The following CSPP1 variants were observed in gnomAD, a reference collection of about 807,000 sequenced individuals.
CSPP1 encodes centrosome and spindle pole-associated protein 1.
CSPP1 carries 126 observed loss-of-function variants against 164.4 expected under a neutral mutation model. The observed-to-expected ratio is 0.77, with a 90% CI of 0.66 to 0.89. The LOEUF is 0.89. CSPP1 is among the 40% of genes least tolerant of loss of function. The pLI, the probability that CSPP1 is intolerant of heterozygous loss-of-function variation, is 0.00. For missense variants in CSPP1, 1,395 were observed against 1,449.8 expected, an observed-to-expected ratio of 0.96 and a Z score of 0.61; for synonymous variants, 472 against 476.7, an observed-to-expected ratio of 0.99 and a Z score of 0.13.
At chr8:67,159,181 C>T in intron 21 of CSPP1, 44 bp downstream of exon 21, 1 of 1,534,468 alleles carries the variant, frequency 6.5e-7, no homozygotes, top group Non-Finnish European at 8.8e-7. Context: ...TAGTTTAACT[C>T]ACTTTCACTG....
In CSPP1 at chr8:67,095,252, C is replaced by T. The variant is rs1273595948; in HGVS notation, c.484-41C>T. 3.8e-6 allele frequency: 5 copies of T among 1,321,282 alleles called. No homozygotes were observed. The African/African-American group carries it at 7.4e-5, about 19-fold the overall frequency. 81.8% of individuals were successfully genotyped at this position (1,321,282 alleles called of 1,614,324 possible). A position where few individuals can be genotyped will look rare whatever the true frequency, so the allele number is the denominator to read the frequency against. On this transcript the variant is annotated intron_variant, in intron 6 of 30. Transcript: ENST00000678616. ...TTAATTACCTTATAAGAGATAGTTTCTTGTCAAGTTTTGTTTCTTTTTTCT... is the reference window on the plus strand; with the variant it reads ...TTAATTACCTTATAAGAGATAGTTTTTTGTCAAGTTTTGTTTCTTTTTTCT...
chr8:67,179,735 G>T, intron 27 of CSPP1, 128 bp from the exon 28 acceptor site: 1 of 650,144 alleles, frequency 1.5e-6, no homozygotes, highest in South Asian at 1.9e-5. Flanking sequence ...AATGTAGTCA[G>T]TCCTACCTCT....
At chr8:67,190,827 TA>T in intron 29 of CSPP1, 68 bp downstream of exon 29, 8 of 1,125,858 alleles carry the variant, frequency 7.1e-6, no homozygotes, top group Non-Finnish European at 1.1e-5. Context: ...TGACCTGTGC[TA>T]AATCTGTGTG....
At chr8:67,084,730 C>T (rs1200008022) in intron 3 of CSPP1, among the ~76,000 whole-genome samples, 1 of 150,678 alleles carries the variant, frequency 6.6e-6, no homozygotes, top group African/African-American at 2.4e-5. Flanking sequence ...CAGAGCGAGA[C>T]CCTGTCTAAA....
chr8:67,195,599 A>AGTG lies in CSPP1; in HGVS notation c.*6_*7insGTG. ...TGTCGACTGCACATGGTTAAAATAA[A>AGTG]CCTGTACTGGACCCAGTAGTGCCTT... On this transcript the variant is annotated 3_prime_UTR_variant, in exon 31 of 31. Coordinates refer to ENST00000678616, the MANE Select transcript of CSPP1 (RefSeq NM_001382391.1). 1 of 1,611,860 alleles carries AGTG rather than the reference A, an allele frequency of 6.2e-7. No individual in the cohort carries two copies. Among genetic ancestry groups the AGTG allele is most frequent in the Non-Finnish European group, 8.5e-7 (1 of 1,178,080 alleles).
At chr8:67,127,977 T>G (rs913864952) in intron 15 of CSPP1, among the ~76,000 whole-genome samples, 2 of 152,228 alleles carry the variant, frequency 1.3e-5, no homozygotes, top group Non-Finnish European at 2.9e-5. Flanking sequence ...GTACGCACAA[T>G]CTGTCTTCTT....
At chr8:67,128,706 A>T (rs1013748384) in intron 15 of CSPP1, among the ~76,000 whole-genome samples, 15 of 152,222 alleles carry the variant, frequency 9.9e-5, no homozygotes, top group Admixed American at 2.0e-4. Flanking sequence ...AGTTACACTC[A>T]TTAGCACAGA....
intron 4 of CSPP1, 117 bp downstream of exon 4, chr8:67,086,227 G>A (rs765738331): frequency 2.6e-6 from 2 of 757,338 alleles, no homozygotes; most frequent in East Asian, 2.5e-5. Context: ...TACTAGCAAA[G>A]TAGTAGTATA....
Position 67,177,628 on chromosome 8 carries a change from T to C in CSPP1, c.3110-52T>C, listed in dbSNP as rs988052308. The C allele has an allele frequency of 2.0e-5, 23 of 1,172,714 alleles. No individual in the cohort carries two copies. The African/African-American group carries it at 3.2e-4, about 16-fold the overall frequency. The allele number at this position is 1,172,714 out of a possible 1,614,324, so 72.6% of individuals were successfully genotyped here. A position where few individuals can be genotyped will look rare whatever the true frequency, so the allele number is the denominator to read the frequency against. On this transcript the variant is annotated intron_variant, in intron 26 of 30. Coordinates refer to ENST00000678616, the MANE Select transcript of CSPP1 (RefSeq NM_001382391.1). The stretch of plus-strand genomic sequence containing the variant: ...AAGATATTCTAAAATTTAATTTATA[T>C]AGTAAGCATTTTCTGACCTTTTAAT...
intron 1 of CSPP1, among the ~76,000 whole-genome samples, chr8:67,071,386 T>C (rs74836403): frequency 1.7e-4 from 26 of 151,928 alleles, no homozygotes; most frequent in African/African-American, 3.6e-4. Flanking sequence ...TTTTTTTTTT[T>C]CCCCCAGCTT....
At chr8:67,183,773 T>C (rs1833616722) in intron 28 of CSPP1, among the ~76,000 whole-genome samples, 2 of 151,038 alleles carry the variant, frequency 1.3e-5, no homozygotes, top group Non-Finnish European at 2.9e-5. Context: ...TGATGACTTT[T>C]AGATAAAAAA....
chr8:67,076,678 C>T (rs1807988052), intron 3 of CSPP1, 97 bp downstream of exon 3: 1 of 630,146 alleles, frequency 1.6e-6, no homozygotes, highest in African/African-American at 1.9e-5. Context: ...TATTTGGAAT[C>T]CTAGTAGTTT....
chr8:67,116,142 G>C lies in CSPP1; in HGVS notation c.1496+20G>C. The C allele has an allele frequency of 6.4e-7, 1 of 1,572,998 alleles. No individual in the cohort carries two copies. Among genetic ancestry groups the C allele is most frequent in the Non-Finnish European group, 8.8e-7 (1 of 1,142,724 alleles). ...TCCCAGGTGCTTGTTTAAATGTTTTGTGTTTGGGAATTAGGTAAGGTATTG... is the reference window on the plus strand; with the variant it reads ...TCCCAGGTGCTTGTTTAAATGTTTTCTGTTTGGGAATTAGGTAAGGTATTG... On this transcript the variant is annotated intron_variant, in intron 13 of 30. Transcript: ENST00000678616.
At position 67,195,575 on chromosome 8, in the gene CSPP1, G is replaced by C. The variant is rs1178982432; in HGVS notation, c.3663G>C (p.Leu1221=). The change falls in exon 31 of 31, where the codon CTG becomes CTC. Residue 1221 remains leucine, a synonymous_variant. Transcript: ENST00000678616. Reference sequence around the variant, plus strand: ...CAGGCACTTTCACTTGGCAGGGCCTGTCGACTGCACATGGTTAAAATAAAC... The same window carrying C: ...CAGGCACTTTCACTTGGCAGGGCCTCTCGACTGCACATGGTTAAAATAAAC... ...GKPGTFTWQG[L]STAHG The C allele has an allele frequency of 1.2e-6, 2 of 1,614,134 alleles. No individual in the cohort carries two copies.
At chr8:67,130,124 C>T (rs1056129187) in intron 15 of CSPP1, among the ~76,000 whole-genome samples, 1 of 152,242 alleles carries the variant, frequency 6.6e-6, no homozygotes, top group African/African-American at 2.4e-5. Context: ...CCATGGGGCT[C>T]ACTTTGGGAC....
At chr8:67,125,071 G>A (rs887979649) in intron 15 of CSPP1, among the ~76,000 whole-genome samples, 5 of 152,152 alleles carry the variant, frequency 3.3e-5, no homozygotes, top group African/African-American at 7.2e-5. Flanking sequence ...CTTTACTGGC[G>A]TTCTTTATTT....
chr8:67,089,680 A>T (rs141188331), intron 4 of CSPP1, among the ~76,000 whole-genome samples: 21 of 152,224 alleles, frequency 1.4e-4, no homozygotes, highest in East Asian at 1.2e-3. Flanking sequence ...TCCCAAATGT[A>T]TCAGAAAGTT....
At chr8:67,180,593 G>T (rs947477594) in intron 28 of CSPP1, among the ~76,000 whole-genome samples, 1 of 152,136 alleles carries the variant, frequency 6.6e-6, no homozygotes, top group African/African-American at 2.4e-5. Flanking sequence ...ACACACAAAT[G>T]AGTATTGGTA....
At chr8:67,168,801 CAT>C (rs897025654) in intron 24 of CSPP1, among the ~76,000 whole-genome samples, 2 of 152,218 alleles carry the variant, frequency 1.3e-5, no homozygotes, top group Non-Finnish European at 2.9e-5. Context: ...ATGTGGCTCA[CAT>C]GTGAAGATTT....
Sources: allele counts gnomAD v4.1 joint callset (sites outside exome capture counted in the v4.1 genomes callset), GRCh38; gene constraint gnomAD v4.1.1; transcripts MANE v1.5; gene names NCBI Gene and HGNC (gene_info 2026-07-23, HGNC 2026-07-21).